Variants in SPAM1 observed in about 807,000 individuals in gnomAD.
The protein encoded by SPAM1 is sperm adhesion molecule 1.
Under a neutral mutation model 29.6 loss-of-function variants are expected in SPAM1, and 22 were observed. That is an observed-to-expected ratio of 0.74 (90% CI 0.53 to 1.06). SPAM1 has a LOEUF of 1.06. SPAM1 is among the 50% of genes least tolerant of loss of function. The pLI is 0.00. For missense variants in SPAM1, 534 were observed against 604.0 expected (o/e 0.88, Z 1.21); for synonymous variants, 194 against 204.6 (o/e 0.95, Z 0.44).
At position 123,953,782 on chromosome 7, in the gene SPAM1, G is replaced by C; in HGVS notation, c.212G>C (p.Ser71Thr). 1 of 1,612,656 alleles carries C rather than the reference G, an allele frequency of 6.2e-7. No individual in the cohort carries two copies. The highest frequency in any genetic ancestry group is 8.5e-7 in the Non-Finnish European group (1 of 1,179,476). The change falls in exon 3 of 5, where the codon AGC becomes ACC. Residue 71 changes from serine (S) to threonine (T), a missense_variant. Physicochemically the swap from Ser to Thr is moderately conservative, Grantham distance 58. Coordinates refer to ENST00000682466, the MANE Select transcript of SPAM1 (RefSeq NM_153189.3). Reference protein sequence around the residue: ...LGKFDEPLDMSLFSFIGSPRI... With the variant: ...LGKFDEPLDMTLFSFIGSPRI... ...AAATTTGATGAGCCACTAGATATGA[G>C]CCTCTTCTCTTTCATAGGAAGCCCC... is the stretch of plus-strand genomic sequence containing the variant.
chr7:123,966,288 G>T (rs867072135), intron 5 of SPAM1, among the ~76,000 whole-genome samples: 16 of 152,194 alleles, frequency 1.1e-4, no homozygotes, highest in Non-Finnish European at 1.5e-4. Flanking sequence ...TGGTGAGGTT[G>T]CAGAGAAAAA....
At position 123,937,780 on chromosome 7, in the gene SPAM1, C is replaced by T. The variant is rs534008949; in HGVS notation, c.-318-12092C>T. 2.0e-4 allele frequency among the ~76,000 whole-genome samples: 30 copies of T among 152,162 alleles called. No homozygotes were observed. The South Asian group carries it at 5.6e-3, about 28-fold the overall frequency. On this transcript the variant is annotated intron_variant, in intron 1 of 4. Coordinates refer to ENST00000682466, the MANE Select transcript of SPAM1 (RefSeq NM_153189.3). Reference sequence around the variant, plus strand: ...ATAGAACTACAAATGGAAATAAAGCCTCAATTCTTTTCTGGATCTGAGTTC... The same window carrying T: ...ATAGAACTACAAATGGAAATAAAGCTTCAATTCTTTTCTGGATCTGAGTTC...
chr7:123,967,618 G>T (rs988275898), intron 5 of SPAM1, among the ~76,000 whole-genome samples: 2 of 151,972 alleles, frequency 1.3e-5, no homozygotes, highest in East Asian at 1.9e-4. Context: ...ACATGTGTGG[G>T]TGTATGCATG....
At chr7:123,933,212 C>T (rs1297812494) in intron 1 of SPAM1, among the ~76,000 whole-genome samples, 2 of 151,790 alleles carry the variant, frequency 1.3e-5, no homozygotes, top group Non-Finnish European at 2.9e-5. Context: ...CTATTGCTCT[C>T]CCCCTCCTTG....
rs1347174659 is a variant in SPAM1, at chr7:123,954,315, C to G, written c.745C>G (p.Leu249Val). The change falls in exon 3 of 5, where the codon CTC becomes GTC. Residue 249 changes from leucine (L) to valine (V), a missense_variant. Physicochemically the swap from Leu to Val is conservative, Grantham distance 32 (BLOSUM62 1). Coordinates refer to ENST00000682466, the MANE Select transcript of SPAM1 (RefSeq NM_153189.3). Reference sequence around the variant, plus strand: ...TGTAGAAATAAAAAGAAATGATGATCTCAGCTGGTTGTGGAATGAAAGCAC... The same window carrying G: ...TGTAGAAATAAAAAGAAATGATGATGTCAGCTGGTTGTGGAATGAAAGCAC... ...FNVEIKRNDD[L>V]SWLWNESTAL... 6.2e-7 allele frequency: 1 copy of G among 1,612,950 alleles called. No homozygotes were observed. The highest frequency in any genetic ancestry group is 2.2e-5 in the East Asian group (1 of 44,840).
chr7:123,951,252 T>G (rs1365126828), intron 2 of SPAM1, among the ~76,000 whole-genome samples: 1 of 152,104 alleles, frequency 6.6e-6, no homozygotes, highest in Admixed American at 6.6e-5. Flanking sequence ...TGCAGATGCT[T>G]TTTAGTTTAA....
At position 123,942,722 on chromosome 7, in the gene SPAM1, T is replaced by C. The variant is rs192954584; in HGVS notation, c.-318-7150T>C. The stretch of plus-strand genomic sequence containing the variant: ...GGGACTGTCAGAAAGTGACATTCTT[T>C]ACTTACCACAGGTCAGCAACCTGTG... On this transcript the variant is annotated intron_variant, in intron 1 of 4. Transcript: ENST00000682466. Among the ~76,000 whole-genome samples, 97 of 152,268 alleles carry C rather than the reference T, an allele frequency of 6.4e-4. 1 individual carries two copies. Among genetic ancestry groups the C allele is most frequent in the Middle Eastern group, 6.8e-3 (2 of 294 alleles).
In SPAM1 at chr7:123,970,114, A is replaced by C. The variant is rs373028756; in HGVS notation, c.1486-84A>C. ...GGTATTTATTCTGTATATCTCCATT[A>C]GTTTGCTAGTGATGCTATAACAAAG... On this transcript the variant is annotated intron_variant, in intron 5 of 6. Transcript: ENST00000340011. The C allele has an allele frequency of 1.0e-4, 144 of 1,388,454 alleles. No homozygotes were observed. In the East Asian group the frequency reaches 1.5e-3, roughly 14 times the overall value. The allele number at this position is 1,388,454 out of a possible 1,614,324, so 86.0% of individuals were successfully genotyped here.
chr7:123,954,065 G>C lies in SPAM1; in HGVS notation c.495G>C (p.Lys165Asn). ...ARNWKPKDVY[K>N]NRSIELVQQQ... Reference sequence around the variant, plus strand: ...ACTGGAAACCTAAAGATGTTTACAAGAATAGGTCTATTGAATTGGTTCAGC... The same window carrying C: ...ACTGGAAACCTAAAGATGTTTACAACAATAGGTCTATTGAATTGGTTCAGC... The change falls in exon 3 of 5, where the codon AAG (lysine) becomes AAC (asparagine). Residue 165 changes from lysine (K) to asparagine (N), a missense_variant. Lys to Asn is a moderately conservative substitution (Grantham distance 94). Transcript: ENST00000682466. 1.2e-6 allele frequency: 2 copies of C among 1,613,480 alleles called. No homozygotes were observed. Among genetic ancestry groups the C allele is most frequent in the Non-Finnish European group, 1.7e-6 (2 of 1,179,726 alleles).
At chr7:123,932,028 C>T (rs1808096958) in intron 1 of SPAM1, 1 of 152,122 alleles carries the variant, frequency 6.6e-6, no homozygotes, top group Non-Finnish European at 1.5e-5. Context: ...TGAAAAATGA[C>T]ACAAAAGACA....
intron 2 of SPAM1, among the ~76,000 whole-genome samples, chr7:123,953,060 A>G (rs538849516): frequency 7.2e-5 from 11 of 152,218 alleles, no homozygotes; most frequent in African/African-American, 1.7e-4. Flanking sequence ...TTTTCCTTCA[A>G]TGGGATTTTG....
Position 123,954,132 on chromosome 7 carries a change from G to A in SPAM1, c.562G>A (p.Ala188Thr). The A allele has an allele frequency of 6.2e-7, 1 of 1,612,734 alleles. No homozygotes were observed. Among genetic ancestry groups the A allele is most frequent in the Non-Finnish European group, 8.5e-7 (1 of 1,179,490 alleles). Reference protein sequence around the residue: ...QLSLTEATEKAKQEFEKAGKD... With the variant: ...QLSLTEATEKTKQEFEKAGKD... ...TAGTCTCACAGAGGCCACTGAGAAA[G>A]CAAAACAAGAATTTGAAAAGGCAGG... The change falls in exon 3 of 5, where the codon GCA becomes ACA. Residue 188 changes from alanine to threonine, a missense_variant. Coordinates refer to ENST00000682466, the MANE Select transcript of SPAM1 (RefSeq NM_153189.3).
At chr7:123,931,385 T>C (rs1808074213) in intron 1 of SPAM1, among the ~76,000 whole-genome samples, 1 of 152,214 alleles carries the variant, frequency 6.6e-6, no homozygotes, top group African/African-American at 2.4e-5. Flanking sequence ...ACCTACCTTG[T>C]TTGACTGTAG....
chr7:123,937,348 T>A (rs958795869), intron 1 of SPAM1, among the ~76,000 whole-genome samples: 2 of 152,134 alleles, frequency 1.3e-5, no homozygotes, highest in Admixed American at 6.5e-5. Context: ...ACGCCTGTAA[T>A]CCCAGCATTT....
At position 123,925,338 on chromosome 7, in the gene SPAM1, G is replaced by T. The variant is rs1013630479; in HGVS notation, c.-333G>T. 6.6e-6 allele frequency: 1 copy of T among 152,072 alleles called. No individual in the cohort carries two copies. Among genetic ancestry groups the T allele is most frequent in the African/African-American group, 2.4e-5 (1 of 41,404 alleles). The allele number at this position is 152,072 out of a possible 1,614,324, so 9.4% of individuals were successfully genotyped here. On this transcript the variant is annotated 5_prime_UTR_variant, in exon 1 of 5. Transcript: ENST00000682466. ...TAGGTGGTTAGCAGCACCTCATAAG[G>T]TCCTTCCTAGCAAGGTAACAGTACA...
intron 1 of SPAM1, among the ~76,000 whole-genome samples, chr7:123,944,914 A>G (rs2117044348): frequency 6.6e-6 from 1 of 152,214 alleles, no homozygotes; most frequent in Admixed American, 6.5e-5. Flanking sequence ...CCTTAAGAAA[A>G]TCTCATTATT....
At chr7:123,962,448 C>T (rs12667308), downstream of SPAM1, among the ~76,000 whole-genome samples, 38,554 of 151,666 alleles carry the variant, frequency 0.25, 5,202 homozygotes, top group Admixed American at 0.35. Flanking sequence ...TATTTTCTCC[C>T]ATTCTACAGA....
intron 2 of SPAM1, among the ~76,000 whole-genome samples, chr7:123,950,597 A>T (rs189646048): frequency 1.3e-5 from 2 of 152,066 alleles, no homozygotes; most frequent in East Asian, 3.9e-4. Context: ...TGATTTTATT[A>T]TTTTTTTATG....
rs1240474736 is a variant in SPAM1, at chr7:123,953,875, T to C, written c.305T>C (p.Ile102Thr). The change falls in exon 3 of 5, where the codon ATA (isoleucine) becomes ACA (threonine). Residue 102 changes from isoleucine (I) to threonine (T), a missense_variant. Coordinates refer to ENST00000682466, the MANE Select transcript of SPAM1 (RefSeq NM_153189.3). ...YVDRLGYYPY[I>T]DSITGVTVNG... ...GATAGACTTGGCTACTATCCTTACATAGATTCAATCACAGGAGTAACTGTG... is the reference window on the plus strand; with the variant it reads ...GATAGACTTGGCTACTATCCTTACACAGATTCAATCACAGGAGTAACTGTG... 6.2e-7 allele frequency: 1 copy of C among 1,613,746 alleles called. No homozygotes were observed. Among genetic ancestry groups the C allele is most frequent in the Non-Finnish European group, 8.5e-7 (1 of 1,179,804 alleles).
Sources: allele counts gnomAD v4.1 joint callset (sites outside exome capture counted in the v4.1 genomes callset), GRCh38; gene constraint gnomAD v4.1.1; transcripts MANE v1.5; gene names NCBI Gene and HGNC (gene_info 2026-07-23, HGNC 2026-07-21).